PIEZO2: variants seen among roughly 807,000 people sequenced by gnomAD.
The protein encoded by PIEZO2 is piezo type mechanosensitive ion channel component 2.
In PIEZO2, 172 loss-of-function variants were observed where a neutral mutation model predicts 337.3. The observed-to-expected ratio is 0.51, with a 90% confidence interval of 0.45 to 0.58. The LOEUF (loss-of-function observed/expected upper bound fraction) is 0.58. PIEZO2 is among the 20% of genes least tolerant of loss of function. The probability of loss-of-function intolerance (pLI) is 0.00; values close to 1 mark genes in which losing one functional copy is unlikely to be tolerated. For missense variants in PIEZO2, 3,028 were observed against 3,391.3 expected (o/e 0.89, Z 2.66); for synonymous variants, 1,251 against 1,228.5 (o/e 1.02, Z -0.38).
rs192130545 is a variant in PIEZO2, at chr18:10,726,533, T to C, written c.5029+4874A>G. 9 of 1,455,488 alleles carry C rather than the reference T, an allele frequency of 6.2e-6. No homozygotes were observed. The highest frequency in any genetic ancestry group is 1.4e-5 in the African/African-American group (1 of 70,860). The allele number at this position is 1,455,488 out of a possible 1,614,324, so 90.2% of individuals were successfully genotyped here. On this transcript the variant is annotated intron_variant, in intron 36 of 55. Coordinates refer to ENST00000674853, the MANE Select transcript of PIEZO2 (RefSeq NM_001378183.1). The surrounding 1 kb of genome is among the most constrained non-coding windows in gnomAD (Gnocchi z 5.9). ...GTTCCTGTGGCGCGCTGCGCTGCTC[T>C]GCTCTGCTACACCAGCCGCCACGCT... is the stretch of plus-strand genomic sequence containing the variant.
chr18:10,714,980 A>G, intron 38 of PIEZO2, 50 bp from the exon 39 acceptor site: 1 of 1,510,810 alleles, frequency 6.6e-7, no homozygotes. Context: ...ATCTACCTGT[A>G]TAGCCACCTG....
intron 1 of PIEZO2, among the ~76,000 whole-genome samples, chr18:11,124,660 C>G (rs2040130796): frequency 6.6e-6 from 1 of 152,140 alleles, no homozygotes; most frequent in Non-Finnish European, 1.5e-5. Context: ...CAGCAGAAGA[C>G]TAACTCTGGG....
intron 2 of PIEZO2, among the ~76,000 whole-genome samples, chr18:11,025,107 A>C (rs2036491372): frequency 6.6e-6 from 1 of 152,106 alleles, no homozygotes; most frequent in South Asian, 2.1e-4. Flanking sequence ...GTAGGCTCTC[A>C]AGCCAAACTG....
rs2036569213 is a variant in PIEZO2, at chr18:11,027,055, GAAAT to G, written c.160+39068_160+39071del. On this transcript the variant is annotated intron_variant, in intron 2 of 55. Transcript: ENST00000674853. The surrounding 1 kb of genome is among the most constrained non-coding windows in gnomAD (Gnocchi z 4.2). ...AAGTATTTTATAAGCCAATTCATAT[GAAAT>G]GTCACAGAGCAGTCAATTCTAAACT... Among the ~76,000 whole-genome samples the G allele has an allele frequency of 6.6e-6, 1 of 152,256 alleles. No homozygotes were observed. Among genetic ancestry groups the G allele is most frequent in the Non-Finnish European group, 1.5e-5 (1 of 68,044 alleles).
At position 10,789,157 on chromosome 18, in the gene PIEZO2, G is replaced by A. The variant is rs1384993683; in HGVS notation, c.2091C>T (p.Phe697=). 24 of 1,537,234 alleles carry A rather than the reference G, an allele frequency of 1.6e-5. No homozygotes were observed. Among genetic ancestry groups the A allele is most frequent in the African/African-American group, 2.7e-5 (2 of 73,156 alleles). ...WIYVCGGMFF[F]VSFEGKIVMY... The stretch of plus-strand genomic sequence containing the variant: ...TTACGATTTTACCCTCGAAGCTGAC[G>A]AAGAAGAACATGCCTCCGCAGACGT... Residue 697 remains phenylalanine, a synonymous_variant, in exon 15 of 56, where the codon TTC becomes TTT. Transcript: ENST00000674853.
Position 10,855,610 on chromosome 18 carries a change from A to T in PIEZO2, c.704-44T>A, listed in dbSNP as rs1568133539. ...ATCACAAAGTCAGGTAGAACTGGAA[A>T]TTCACTTATCATTCAGTGAATGTGA... On this transcript the variant is annotated intron_variant, in intron 6 of 55. Coordinates refer to ENST00000674853, the MANE Select transcript of PIEZO2 (RefSeq NM_001378183.1). This position sits in a 1 kb window ranked among gnomAD's most constrained non-coding sequence, Gnocchi z 4.9. 1 of 1,406,790 alleles carries T rather than the reference A, an allele frequency of 7.1e-7. No individual in the cohort carries two copies. The highest frequency in any genetic ancestry group is 1.4e-5 in the African/African-American group (1 of 70,010). 87.1% of individuals were successfully genotyped at this position (1,406,790 alleles called of 1,614,324 possible).
At chr18:11,100,501 C>A (rs568611678) in intron 1 of PIEZO2, among the ~76,000 whole-genome samples, 1 of 152,302 alleles carries the variant, frequency 6.6e-6, no homozygotes, top group African/African-American at 2.4e-5. Flanking sequence ...GACGGCCTGC[C>A]CATTAACAAC....
chr18:10,834,219 T>C lies in PIEZO2; in HGVS notation c.917+21134A>G, dbSNP rs1022470093. On this transcript the variant is annotated intron_variant, in intron 7 of 55. Transcript: ENST00000674853. This position sits in a 1 kb window ranked among gnomAD's most constrained non-coding sequence, Gnocchi z 4.5. ...ACATTATCGTTGACTGTAGTCATTC[T>C]GTTGTGCTGTCAAATACTTAGAGTC... Among the ~76,000 whole-genome samples, 3 of 152,240 alleles carry C rather than the reference T, an allele frequency of 2.0e-5. No homozygotes were observed. The highest frequency in any genetic ancestry group is 7.2e-5 in the African/African-American group (3 of 41,464).
Position 11,086,724 on chromosome 18 carries a change from T to C in PIEZO2, c.65-20502A>G, listed in dbSNP as rs937661946. ...TCCCTGCTGCTCCAGCCAAACTTTC[T>C]TACAATAAAAAAGAGACACATAAAT... On this transcript the variant is annotated intron_variant, in intron 1 of 55. Transcript: ENST00000674853. Among the ~76,000 whole-genome samples the C allele has an allele frequency of 4.6e-5, 7 of 150,770 alleles. No individual in the cohort carries two copies. In the East Asian group the frequency reaches 1.4e-3, roughly 29 times the overall value.
intron 2 of PIEZO2, among the ~76,000 whole-genome samples, chr18:11,017,312 AAG>A (rs1041812915): frequency 6.6e-6 from 1 of 152,190 alleles, no homozygotes; most frequent in African/African-American, 2.4e-5. Context: ...AAGCATTAAG[AAG>A]AGAGTTCTTC....
At chr18:11,135,194 C>T (rs955539646) in intron 1 of PIEZO2, among the ~76,000 whole-genome samples, 1 of 152,012 alleles carries the variant, frequency 6.6e-6, no homozygotes, top group Admixed American at 6.5e-5. Context: ...AAAACAGAAA[C>T]CTAGAAAGCA....
chr18:10,928,590 A>C (rs1039444414), intron 3 of PIEZO2, among the ~76,000 whole-genome samples: 2 of 152,230 alleles, frequency 1.3e-5, no homozygotes, highest in Non-Finnish European at 2.9e-5. Context: ...TAAATGAATA[A>C]ATGTTATAAA....
At chr18:10,950,463 A>G (rs548743443) in intron 3 of PIEZO2, among the ~76,000 whole-genome samples, 4 of 152,308 alleles carry the variant, frequency 2.6e-5, no homozygotes, top group African/African-American at 9.6e-5. Flanking sequence ...ACTCGCAAAA[A>G]CTAAGGCATG....
At position 11,031,318 on chromosome 18, in the gene PIEZO2, G is replaced by T. The variant is rs2036731403; in HGVS notation, c.160+34809C>A. On this transcript the variant is annotated intron_variant, in intron 2 of 55. Transcript: ENST00000674853. The surrounding 1 kb of genome is among the most constrained non-coding windows in gnomAD (Gnocchi z 4.7). ...CTGGCCTGGAATTTTTTTTTAATAA[G>T]CCCATCAGGACCTTTCATAACCTTA... Among the ~76,000 whole-genome samples the T allele has an allele frequency of 6.6e-6, 1 of 151,376 alleles. No homozygotes were observed. The highest frequency in any genetic ancestry group is 2.4e-5 in the African/African-American group (1 of 41,214).
rs375721417 is a variant in PIEZO2, at chr18:10,789,365, T to C, written c.1883A>G (p.Asp628Gly). Residue 628 changes from aspartate (D) to glycine (G), a missense_variant and splice_region_variant, in exon 15 of 56, where the codon GAT (aspartate) becomes GGT (glycine). Asp to Gly is a moderately conservative substitution (Grantham distance 94). Transcript: ENST00000674853. Reference sequence around the variant, plus strand: ...CACTTGTATATCTTGAAGTTCCTCATCTTCAAATAGAAAACTGTGCTGTTA... The same window carrying C: ...CACTTGTATATCTTGAAGTTCCTCACCTTCAAATAGAAAACTGTGCTGTTA... ...KIGSQENEEK[D>G]EELQDIQVEG... The C allele has an allele frequency of 4.6e-6, 7 of 1,534,100 alleles. 1 individual carries two copies. Among genetic ancestry groups the C allele is most frequent in the East Asian group, 4.9e-5 (2 of 40,908 alleles).
At chr18:10,934,941 G>A (rs1308777817) in intron 3 of PIEZO2, among the ~76,000 whole-genome samples, 1 of 151,988 alleles carries the variant, frequency 6.6e-6, no homozygotes, top group Non-Finnish European at 1.5e-5. Context: ...TGGCAACCGA[G>A]GCCACAGAGA....
Position 11,148,806 on chromosome 18 carries a change from C to T in PIEZO2, c.-218G>A, listed in dbSNP as rs1447296012. ...CACCGGGCTCTGGGTAGCCCCTCACCAGGCTCTTGGCGGCCACCTAGCCCG... is the reference window on the plus strand; with the variant it reads ...CACCGGGCTCTGGGTAGCCCCTCACTAGGCTCTTGGCGGCCACCTAGCCCG... On this transcript the variant is annotated 5_prime_UTR_variant, in exon 1 of 56. An upstream open reading frame in the 5' UTR gains an earlier in-frame stop. Coordinates refer to ENST00000674853, the MANE Select transcript of PIEZO2 (RefSeq NM_001378183.1). This position sits in a 1 kb window ranked among gnomAD's most constrained non-coding sequence, Gnocchi z 5.2. 8 of 474,570 alleles carry T rather than the reference C, an allele frequency of 1.7e-5. No homozygotes were observed. The highest frequency in any genetic ancestry group is 2.9e-5 in the Non-Finnish European group (8 of 274,052). 29.4% of individuals were successfully genotyped at this position (474,570 alleles called of 1,614,324 possible).
At chr18:10,920,509 T>C (rs1374130920) in intron 3 of PIEZO2, among the ~76,000 whole-genome samples, 1 of 152,134 alleles carries the variant, frequency 6.6e-6, no homozygotes, top group East Asian at 1.9e-4. Flanking sequence ...AAAATTAGAT[T>C]TTTGATAAAA....
chr18:10,715,936 G>T (rs1362989704), intron 37 of PIEZO2, 120 bp from the exon 38 acceptor site: 1 of 771,018 alleles, frequency 1.3e-6, no homozygotes, highest in Non-Finnish European at 2.0e-6. Flanking sequence ...CATCTAATAA[G>T]GCATGTGACT....
Sources: gnomAD v4.1 joint callset for allele counts (sites outside exome capture counted in the v4.1 genomes callset) on GRCh38, gnomAD v4.1.1 for gene constraint, Gnocchi (gnomAD v3.1) non-coding constraint, MANE v1.5 for transcripts, NCBI Gene and HGNC (gene_info 2026-07-23, HGNC 2026-07-21) for gene names.